Variants in CAB39L observed in about 807,000 individuals in gnomAD.
CAB39L encodes calcium-binding protein 39-like.
CAB39L carries 23 observed loss-of-function variants against 39.1 expected under a neutral mutation model. The observed-to-expected ratio is 0.59, with a 90% CI of 0.42 to 0.83. CAB39L has a LOEUF of 0.83. CAB39L is among the 40% of genes least tolerant of loss of function. The pLI is 0.00. For missense variants in CAB39L, 366 were observed against 391.9 expected, an observed-to-expected ratio of 0.93 and a Z score of 0.56; for synonymous variants, 126 against 137.2, an observed-to-expected ratio of 0.92 and a Z score of 0.57.
chr13:49,386,747 T>C (rs1472198619), intron 3 of CAB39L, among the ~76,000 whole-genome samples: 2 of 151,962 alleles, frequency 1.3e-5, no homozygotes, highest in African/African-American at 4.8e-5. Flanking sequence ...AGAACTCTCC[T>C]GCCTCTCCCA....
chr13:49,402,919 G>C (rs182907918), intron 3 of CAB39L, among the ~76,000 whole-genome samples: 95 of 152,040 alleles, frequency 6.2e-4, no homozygotes, highest in South Asian at 1.0e-3. Flanking sequence ...ATGTTAAATG[G>C]AAATAATTCT....
chr13:49,406,601 T>C lies in CAB39L; in HGVS notation c.-31-23660A>G, dbSNP rs527321193. Among the ~76,000 whole-genome samples, 6 of 152,148 alleles carry C rather than the reference T, an allele frequency of 3.9e-5. No homozygotes were observed. In the South Asian group the frequency reaches 1.0e-3, roughly 26 times the overall value. On this transcript the variant is annotated intron_variant, in intron 3 of 10. Coordinates refer to ENST00000409308, the MANE Select transcript of CAB39L (RefSeq NM_001079670.3). Reference sequence around the variant, plus strand: ...AAATATCTCATGTATCCTATAAATATATACACCTACTATGTACCCTAAAAA... The same window carrying C: ...AAATATCTCATGTATCCTATAAATACATACACCTACTATGTACCCTAAAAA...
Position 49,310,858 on chromosome 13 carries a change from AGTT to A in CAB39L, c.967_969del (p.Asn323del). 6.2e-7 allele frequency: 1 copy of A among 1,614,186 alleles called. No individual in the cohort carries two copies. The highest frequency in any genetic ancestry group is 8.5e-7 in the Non-Finnish European group (1 of 1,180,032). On this transcript the variant is annotated inframe_deletion, in exon 11 of 11. Transcript: ENST00000409308. ...AAGTCTCGGATCTGTTTAATCAAGT[AGTT>A]CTTCTCGTCAGCGAACTGCTCATCA...
intron 5 of CAB39L, among the ~76,000 whole-genome samples, chr13:49,375,356 A>G (rs1371581862): frequency 1.3e-5 from 2 of 152,180 alleles, no homozygotes; most frequent in African/African-American, 4.8e-5. Flanking sequence ...CACAGCTTCT[A>G]CAAGTGTTCA....
intron 4 of CAB39L, among the ~76,000 whole-genome samples, chr13:49,379,275 A>AT (rs1956202627): frequency 3.2e-5 from 1 of 31,084 alleles, no homozygotes; most frequent in African/African-American, 2.5e-4. Context: ...TGGGGAAAAG[A>AT]TTGAGAAATC....
intron 4 of CAB39L, among the ~76,000 whole-genome samples, chr13:49,378,676 C>A (rs576932484): frequency 3.4e-5 from 2 of 59,604 alleles, no homozygotes; most frequent in Non-Finnish European, 6.7e-5. Flanking sequence ...AGTGAGGAGC[C>A]CCTCTGCCCA....
At chr13:49,361,383 TAGA>T (rs1397339185) in intron 5 of CAB39L, among the ~76,000 whole-genome samples, 1 of 140,480 alleles carries the variant, frequency 7.1e-6, no homozygotes, top group African/African-American at 2.7e-5. Flanking sequence ...GAGGCTGAGG[TAGA>T]AGAATTGCTT....
At chr13:49,320,060 C>T (rs991542904) in intron 10 of CAB39L, among the ~76,000 whole-genome samples, 2 of 152,042 alleles carry the variant, frequency 1.3e-5, no homozygotes, top group Admixed American at 1.3e-4. Flanking sequence ...TTTATGGCTT[C>T]TGAACTCTGC....
At chr13:49,419,967 T>A (rs9568201) in intron 3 of CAB39L, among the ~76,000 whole-genome samples, 7,703 of 152,286 alleles carry the variant, frequency 0.051, 363 homozygotes, top group East Asian at 0.21. Flanking sequence ...ATAGGATTAA[T>A]TAAATTCATT....
rs541377720 is a variant in CAB39L at position 49,389,339 on chromosome 13, T to C, written c.-31-6398A>G. ...ACCTAAGTGTCCATCAAAAGATAAA[T>C]AGATAAAAAATGTAGTACAGGCTGG... is the stretch of plus-strand genomic sequence containing the variant. On this transcript the variant is annotated intron_variant, in intron 3 of 10. Transcript: ENST00000409308. Among the ~76,000 whole-genome samples, 19 of 152,094 alleles carry C rather than the reference T, an allele frequency of 1.2e-4. 1 individual carries two copies. In the East Asian group the frequency reaches 1.4e-3, roughly 11 times the overall value.
chr13:49,326,440 C>G (rs749446133), intron 10 of CAB39L, among the ~76,000 whole-genome samples: 8 of 152,176 alleles, frequency 5.3e-5, no homozygotes, highest in Admixed American at 2.0e-4. Flanking sequence ...ATCCTGCTCA[C>G]CAATAGTAGG....
Position 49,329,540 on chromosome 13 carries a change from AAAAAATATATATAT to A in CAB39L, c.834+2393_834+2406del, listed in dbSNP as rs1335156270. 1.6e-3 allele frequency among the ~76,000 whole-genome samples: 61 copies of A among 37,574 alleles called. 1 individual carries two copies. Among genetic ancestry groups the A allele is most frequent in the East Asian group, 8.8e-3 (11 of 1,256 alleles). The allele number at this position is 37,574 out of a possible 152,430, so 24.7% of individuals were successfully genotyped here. On this transcript the variant is annotated intron_variant, in intron 10 of 10. Coordinates refer to ENST00000409308, the MANE Select transcript of CAB39L (RefSeq NM_001079670.3). ...TCCTACATATCTCTTCAATTAAAAA[AAAAAATATATATAT>A]ATATATATATATATATATATATATA...
intron 1 of CAB39L, among the ~76,000 whole-genome samples, chr13:49,437,144 T>G (rs1957430891): frequency 1.3e-5 from 2 of 152,246 alleles, no homozygotes; most frequent in South Asian, 4.1e-4. Flanking sequence ...TGCCATCTTC[T>G]GTTCATCTTG....
At chr13:49,376,822 G>T in intron 5 of CAB39L, 145 bp downstream of exon 5, 1 of 611,384 alleles carries the variant, frequency 1.6e-6, no homozygotes, top group African/African-American at 1.9e-5. Context: ...TAGATTAATT[G>T]TAGACATTTT....
intron 4 of CAB39L, among the ~76,000 whole-genome samples, chr13:49,380,502 G>A (rs907941807): frequency 2.0e-5 from 3 of 152,192 alleles, no homozygotes; most frequent in Non-Finnish European, 2.9e-5. Context: ...GGGCCTGGGG[G>A]AGAGGGAAAT....
chr13:49,417,129 C>T (rs771171288), intron 3 of CAB39L, among the ~76,000 whole-genome samples: 2 of 152,172 alleles, frequency 1.3e-5, no homozygotes, highest in Admixed American at 6.5e-5. Flanking sequence ...GGATAGTAAT[C>T]CATTCCTGAT....
chr13:49,347,739 C>A (rs556157328), intron 7 of CAB39L, among the ~76,000 whole-genome samples: 1 of 152,116 alleles, frequency 6.6e-6, no homozygotes, highest in Non-Finnish European at 1.5e-5. Context: ...CAATTTTTGT[C>A]TTCCGGGGTG....
intron 3 of CAB39L, among the ~76,000 whole-genome samples, chr13:49,422,616 A>C (rs1957186801): frequency 6.8e-6 from 1 of 147,968 alleles, no homozygotes; most frequent in Non-Finnish European, 1.5e-5. Flanking sequence ...TTTCTCCCTT[A>C]ATTTTTTTTT....
In CAB39L at chr13:49,378,432, G is replaced by A. The variant is rs1423230714; in HGVS notation, c.112-1301C>T. On this transcript the variant is annotated intron_variant, in intron 4 of 10. Coordinates refer to ENST00000409308, the MANE Select transcript of CAB39L (RefSeq NM_001079670.3). ...AGGTGGGGGGGTCAGCCCCCCGCCCGGCCAGCCGCCCCGTCGGGAGGTGAG... is the reference window on the plus strand; with the variant it reads ...AGGTGGGGGGGTCAGCCCCCCGCCCAGCCAGCCGCCCCGTCGGGAGGTGAG... 6.0e-5 allele frequency among the ~76,000 whole-genome samples: 4 copies of A among 66,466 alleles called. No individual in the cohort carries two copies. The East Asian group carries it at 1.1e-3, about 18-fold the overall frequency. 43.6% of individuals were successfully genotyped at this position (66,466 alleles called of 152,430 possible). A position where few individuals can be genotyped will look rare whatever the true frequency, so the allele number is the denominator to read the frequency against.
Sources: gnomAD v4.1 joint callset for allele counts (sites outside exome capture counted in the v4.1 genomes callset) on GRCh38, gnomAD v4.1.1 for gene constraint, MANE v1.5 for transcripts, NCBI Gene and HGNC (gene_info 2026-07-23, HGNC 2026-07-21) for gene names.